HADHB: variants seen among roughly 807,000 people sequenced by gnomAD.
HADHB encodes hydroxyacyl-CoA dehydrogenase trifunctional multienzyme complex subunit beta, also known as trifunctional enzyme subunit beta, mitochondrial.
Under a neutral mutation model 61.9 loss-of-function variants are expected in HADHB, and 50 were observed. The observed-to-expected ratio is 0.81, with a 90% CI of 0.64 to 1.02. The LOEUF is 1.02. HADHB is among the 50% of genes least tolerant of loss of function. The pLI is 0.00. For synonymous variants in HADHB, 191 were observed against 201.6 expected (o/e 0.95, Z 0.45); for missense variants, 504 against 586.5 (o/e 0.86, Z 1.45).
intron 6 of HADHB, among the ~76,000 whole-genome samples, chr2:26,276,595 C>T (rs974486903): frequency 6.6e-6 from 1 of 152,194 alleles, no homozygotes; most frequent in Admixed American, 6.5e-5. Context: ...AAATCATTTT[C>T]ATGTTTAATC....
Position 26,271,713 on chromosome 2 carries a change from G to T in HADHB, c.254+1716G>T, listed in dbSNP as rs1672355347. On this transcript the variant is annotated intron_variant, in intron 5 of 15. Transcript: ENST00000317799. ...TAGGAAACCAAGGCAGGAGGATCAA[G>T]GTAGGAGGATCTTTTGAGCCCAGGA... Among the ~76,000 whole-genome samples, 3 of 152,214 alleles carry T rather than the reference G, an allele frequency of 2.0e-5. No individual in the cohort carries two copies. The South Asian group carries it at 6.2e-4, about 32-fold the overall frequency.
chr2:26,263,576 G>A (rs1671948152), intron 4 of HADHB, 97 bp downstream of exon 4: 1 of 797,392 alleles, frequency 1.3e-6, no homozygotes, highest in South Asian at 1.4e-5. Flanking sequence ...AATATTGTTA[G>A]TGGACTAATA....
chr2:26,265,095 A>G (rs1290005148), intron 4 of HADHB, among the ~76,000 whole-genome samples: 3 of 152,172 alleles, frequency 2.0e-5, no homozygotes, highest in African/African-American at 7.2e-5. Flanking sequence ...CGATGTTTCT[A>G]TAATCTCTTT....
Position 26,283,531 on chromosome 2 carries a change from T to A in HADHB, c.1061+480T>A, listed in dbSNP as rs139394971. ...AGAGCGAGACTCCATCTCAAAAAAA[T>A]AAATAAATAAATAAAATAGTAGTAA... On this transcript the variant is annotated intron_variant, in intron 12 of 15. Coordinates refer to ENST00000317799, the MANE Select transcript of HADHB (RefSeq NM_000183.3). 2.3e-3 allele frequency among the ~76,000 whole-genome samples: 348 copies of A among 148,324 alleles called. 3 individuals carry two copies. In the East Asian group the frequency reaches 0.031, roughly 13 times the overall value.
chr2:26,249,920 T>C (rs868560725), intron 1 of HADHB, among the ~76,000 whole-genome samples: 1 of 152,140 alleles, frequency 6.6e-6, no homozygotes, highest in Non-Finnish European at 1.5e-5. Context: ...TTCAATCCCA[T>C]GTAAGCCACA....
At chr2:26,261,367 A>G (rs1671859751) in intron 3 of HADHB, 2 of 259,904 alleles carry the variant, frequency 7.7e-6, no homozygotes, top group South Asian at 2.0e-4. Context: ...TCAATATTTC[A>G]TGACTTTCTA....
At chr2:26,288,221 C>T (rs927470635) in intron 15 of HADHB, among the ~76,000 whole-genome samples, 2 of 151,728 alleles carry the variant, frequency 1.3e-5, no homozygotes, top group African/African-American at 4.8e-5. Context: ...GCTGTATTCA[C>T]GCCACTGCAC....
intron 4 of HADHB, among the ~76,000 whole-genome samples, chr2:26,265,770 G>A (rs1672049805): frequency 1.3e-5 from 2 of 152,120 alleles, no homozygotes; most frequent in Admixed American, 6.6e-5. Flanking sequence ...TTTAATTCAG[G>A]ATTCTGGTTC....
At chr2:26,280,196 G>T (rs575583568) in intron 10 of HADHB, 81 bp downstream of exon 10, 3 of 1,136,330 alleles carry the variant, frequency 2.6e-6, no homozygotes, top group African/African-American at 3.0e-5. Context: ...ATAACTTTTT[G>T]TGTGTGTTAT....
intron 3 of HADHB, among the ~76,000 whole-genome samples, chr2:26,255,799 T>C (rs1225145912): frequency 6.6e-6 from 1 of 152,236 alleles, no homozygotes; most frequent in African/African-American, 2.4e-5. Flanking sequence ...CATATTGTCA[T>C]ATAACAAATA....
intron 15 of HADHB, among the ~76,000 whole-genome samples, chr2:26,286,596 G>T (rs371334232): frequency 6.6e-6 from 1 of 151,952 alleles, no homozygotes; most frequent in South Asian, 2.1e-4. Context: ...TCTGCCTCGC[G>T]AGTTCAAGCG....
At position 26,246,285 on chromosome 2, in the gene HADHB, G is replaced by A. The variant is rs147299378; in HGVS notation, c.-9+1295G>A. Among the ~76,000 whole-genome samples the A allele has an allele frequency of 5.1e-3, 772 of 151,978 alleles. 10 individuals are homozygous for A. The highest frequency in any genetic ancestry group is 0.018 in the African/African-American group (743 of 41,444). On this transcript the variant is annotated intron_variant, in intron 1 of 15. Coordinates refer to ENST00000317799, the MANE Select transcript of HADHB (RefSeq NM_000183.3). ...AAGGTCCAGACAGTAAATAGTTCAG[G>A]ATTTGCAGGATCACTTTGGTCTCTG... is the stretch of plus-strand genomic sequence containing the variant.
chr2:26,246,602 A>T (rs1029222435), intron 1 of HADHB, among the ~76,000 whole-genome samples: 1 of 151,910 alleles, frequency 6.6e-6, no homozygotes, highest in Non-Finnish European at 1.5e-5. Flanking sequence ...CTGCCCCCCA[A>T]AGTGCTGGGA....
At chr2:26,286,748 C>T (rs1318599480) in intron 15 of HADHB, among the ~76,000 whole-genome samples, 1 of 150,292 alleles carries the variant, frequency 6.7e-6, no homozygotes, top group Non-Finnish European at 1.5e-5. Flanking sequence ...TCAGGTGATC[C>T]GCCTACCTCA....
At chr2:26,255,957 T>C (rs762445406) in intron 3 of HADHB, among the ~76,000 whole-genome samples, 1 of 152,246 alleles carries the variant, frequency 6.6e-6, no homozygotes, top group South Asian at 2.1e-4. Context: ...GACCTGATCC[T>C]TGCCAAGTGG....
chr2:26,245,069 G>A (rs1259700817), intron 1 of HADHB, 79 bp downstream of exon 1: 1 of 218,504 alleles, frequency 4.6e-6, no homozygotes, highest in Non-Finnish European at 9.5e-6. Context: ...AACTGTCGCC[G>A]GTGCCCCCGG....
At chr2:26,274,634 T>C (rs1034152662) in intron 6 of HADHB, among the ~76,000 whole-genome samples, 69 of 152,214 alleles carry the variant, frequency 4.5e-4, no homozygotes, top group Non-Finnish European at 3.2e-4. Context: ...TAGGAAGAGA[T>C]TTTATTTCCC....
At chr2:26,249,417 A>G (rs1671300980) in intron 1 of HADHB, among the ~76,000 whole-genome samples, 1 of 151,984 alleles carries the variant, frequency 6.6e-6, no homozygotes, top group African/African-American at 2.4e-5. Context: ...AGGCTGAGGC[A>G]GGAGAATTGC....
chr2:26,271,981 T>G (rs928817321), intron 5 of HADHB, among the ~76,000 whole-genome samples: 2 of 152,198 alleles, frequency 1.3e-5, no homozygotes, highest in African/African-American at 4.8e-5. Context: ...GTGCAGTTGC[T>G]TGATCATAGC....
Sources: allele counts gnomAD v4.1 joint callset (sites outside exome capture counted in the v4.1 genomes callset), GRCh38; gene constraint gnomAD v4.1.1; transcripts MANE v1.5; gene names NCBI Gene and HGNC (gene_info 2026-07-23, HGNC 2026-07-21).